The following ADGRV1 variants were observed in gnomAD, a reference collection of about 807,000 sequenced individuals.
The protein encoded by ADGRV1 is adhesion G protein-coupled receptor V1, also known as G-protein coupled receptor 98.
ADGRV1 carries 359 observed loss-of-function variants against 596.2 expected under a neutral mutation model. The observed-to-expected ratio is 0.60, with a 90% CI of 0.55 to 0.66. The LOEUF (loss-of-function observed/expected upper bound fraction) is 0.66. Ranked by LOEUF, ADGRV1 falls within the 30% of genes least tolerant of loss-of-function variation. The pLI is 0.00. For missense variants in ADGRV1, 7,274 were observed against 7,575.6 expected, an observed-to-expected ratio of 0.96 and a Z score of 1.48; for synonymous variants, 2,681 against 2,679.2, an observed-to-expected ratio of 1.00 and a Z score of -0.02.
intron 85 of ADGRV1, among the ~76,000 whole-genome samples, chr5:91,030,740 GCA>G (rs1247601601): frequency 6.6e-6 from 1 of 152,130 alleles, no homozygotes; most frequent in African/African-American, 2.4e-5. Context: ...AGTTAAGAAT[GCA>G]AATAACAGAC....
intron 67 of ADGRV1, among the ~76,000 whole-genome samples, chr5:90,785,555 A>G (rs1438026989): frequency 6.6e-6 from 1 of 152,216 alleles, no homozygotes; most frequent in Non-Finnish European, 1.5e-5. Flanking sequence ...AAACAAATTT[A>G]CAAGAGAAAA....
At chr5:91,018,559 G>A (rs1353766166) in intron 85 of ADGRV1, among the ~76,000 whole-genome samples, 1 of 151,950 alleles carries the variant, frequency 6.6e-6, no homozygotes, top group Non-Finnish European at 1.5e-5. Flanking sequence ...GAAGAAACTT[G>A]TAGGTCTTGC....
At chr5:90,616,005 A>C (rs1303859562) in intron 2 of ADGRV1, among the ~76,000 whole-genome samples, 2 of 151,988 alleles carry the variant, frequency 1.3e-5, no homozygotes, top group African/African-American at 4.8e-5. Flanking sequence ...CGAATTGTTA[A>C]ACGATTTTCA....
At chr5:91,048,379 A>G (rs1786015976) in intron 85 of ADGRV1, among the ~76,000 whole-genome samples, 2 of 152,190 alleles carry the variant, frequency 1.3e-5, no homozygotes, top group African/African-American at 4.8e-5. Flanking sequence ...CTTTGGCCCA[A>G]TAAACTTTTG....
intron 83 of ADGRV1, among the ~76,000 whole-genome samples, chr5:90,949,841 A>G (rs1437728918): frequency 6.6e-6 from 1 of 151,078 alleles, no homozygotes; most frequent in African/African-American, 2.4e-5. Flanking sequence ...TCTTATTTTA[A>G]AATGGACTGT....
intron 27 of ADGRV1, among the ~76,000 whole-genome samples, chr5:90,682,155 C>T (rs1020654065): frequency 3.3e-5 from 5 of 152,086 alleles, no homozygotes; most frequent in South Asian, 2.1e-4. Flanking sequence ...GTTTTTCATT[C>T]GTAGTATGTA....
At chr5:90,806,966 C>T (rs1273982447) in intron 72 of ADGRV1, among the ~76,000 whole-genome samples, 2 of 152,174 alleles carry the variant, frequency 1.3e-5, no homozygotes, top group East Asian at 1.9e-4. Context: ...TATTCTCCTG[C>T]CTCAGCCTCC....
In ADGRV1 at chr5:90,622,680, A is replaced by G; in HGVS notation, c.537A>G (p.Gly179=). ...LTLIREKGTY[G]MVMVTFEVEG... ...TCATCAGGGAAAAGGGAACCTATGG[A>G]ATGGTCATGGTGACTTTTGAGGTAA... The change falls in exon 5 of 90, where the codon GGA becomes GGG. Residue 179 remains glycine, a synonymous_variant. Coordinates refer to ENST00000405460, the MANE Select transcript of ADGRV1 (RefSeq NM_032119.4). 10 of 1,542,964 alleles carry G rather than the reference A, an allele frequency of 6.5e-6. No individual in the cohort carries two copies. Among genetic ancestry groups the G allele is most frequent in the Non-Finnish European group, 8.8e-6 (10 of 1,138,784 alleles).
chr5:90,812,987 G>A (rs944778994), intron 74 of ADGRV1, among the ~76,000 whole-genome samples: 2 of 151,038 alleles, frequency 1.3e-5, no homozygotes, highest in African/African-American at 2.4e-5. Flanking sequence ...CAAAAAATTT[G>A]CCAGGCATGG....
chr5:90,787,590 C>CTTTTTT (rs35504697), intron 67 of ADGRV1, among the ~76,000 whole-genome samples: 9 of 118,894 alleles, frequency 7.6e-5, no homozygotes, highest in Non-Finnish European at 8.9e-5. Flanking sequence ...TTCTTTCTTT[C>CTTTTTT]TTTTTTTTTT....
chr5:91,116,565 CAGTT>C (rs1342417579), intron 87 of ADGRV1, among the ~76,000 whole-genome samples: 2 of 152,150 alleles, frequency 1.3e-5, no homozygotes, highest in African/African-American at 2.4e-5. Context: ...TAATTCCCTT[CAGTT>C]AGTCTGATTA....
chr5:90,600,955 G>C (rs1317956074), intron 1 of ADGRV1, among the ~76,000 whole-genome samples: 1 of 151,626 alleles, frequency 6.6e-6, no homozygotes, highest in Admixed American at 6.6e-5. Context: ...GGGAAAACCC[G>C]GCCGAGCGCA....
Position 91,071,546 on chromosome 5 carries a change from G to A in ADGRV1, c.18153-901G>A, listed in dbSNP as rs138801409. ...GAAAAAGGAGAAGGGTTTAATTTTC[G>A]TTGAAGTCTAGAAATGATGGGTTAA... On this transcript the variant is annotated intron_variant, in intron 85 of 89. Coordinates refer to ENST00000405460, the MANE Select transcript of ADGRV1 (RefSeq NM_032119.4). Among the ~76,000 whole-genome samples the A allele has an allele frequency of 9.1e-4, 139 of 152,176 alleles. 2 individuals carry two copies. The highest frequency in any genetic ancestry group is 7.3e-3 in the South Asian group (35 of 4,810).
chr5:90,954,489 C>T (rs2150921794), intron 83 of ADGRV1, among the ~76,000 whole-genome samples: 1 of 152,156 alleles, frequency 6.6e-6, no homozygotes, highest in Non-Finnish European at 1.5e-5. Flanking sequence ...ATCCTAAAGA[C>T]ATATAAAGGA....
At chr5:90,566,568 G>A (rs1245860875) in intron 1 of ADGRV1, among the ~76,000 whole-genome samples, 2 of 151,564 alleles carry the variant, frequency 1.3e-5, no homozygotes, top group Admixed American at 1.3e-4. Flanking sequence ...TTCTTCCTAA[G>A]CATTTTATTG....
intron 41 of ADGRV1, among the ~76,000 whole-genome samples, chr5:90,711,587 A>G (rs1327916866): frequency 2.0e-5 from 3 of 152,192 alleles, no homozygotes; most frequent in African/African-American, 7.2e-5. Context: ...ATACTAGAGA[A>G]TACAAGCTGT....
At chr5:90,961,601 G>A (rs1778039037) in intron 83 of ADGRV1, among the ~76,000 whole-genome samples, 1 of 151,506 alleles carries the variant, frequency 6.6e-6, no homozygotes, top group African/African-American at 2.4e-5. Context: ...ATATTAAGGA[G>A]CACTGAGAAT....
chr5:91,049,763 T>A (rs1786149155), intron 85 of ADGRV1, among the ~76,000 whole-genome samples: 3 of 151,596 alleles, frequency 2.0e-5, no homozygotes, highest in South Asian at 4.2e-4. Context: ...GAAGGGGGAG[T>A]GCTTTAGATG....
chr5:90,674,158 T>G lies in ADGRV1; in HGVS notation c.5034T>G (p.Thr1678=). 6.2e-7 allele frequency: 1 copy of G among 1,613,610 alleles called. No individual in the cohort carries two copies. Among genetic ancestry groups the G allele is most frequent in the Non-Finnish European group, 8.5e-7 (1 of 1,179,718 alleles). Residue 1678 remains threonine, a synonymous_variant, in exon 23 of 90, where the codon ACT becomes ACG. Transcript: ENST00000405460. ...CTGGAGATGGGAAGCTAGGCTCAAC[T>G]CCTACCAGTGGTGCAAGCATAGATC... The part of the protein sequence containing the change: ...AIPGDGKLGS[T]PTSGASIDPE...
Sources: allele counts gnomAD v4.1 joint callset (sites outside exome capture counted in the v4.1 genomes callset), GRCh38; gene constraint gnomAD v4.1.1; transcripts MANE v1.5; gene names NCBI Gene and HGNC (gene_info 2026-07-23, HGNC 2026-07-21).